The following LRP1B variants were observed in gnomAD, a reference collection of about 807,000 sequenced individuals.
The protein encoded by LRP1B is LDL receptor related protein 1B.
Under a neutral mutation model 556.6 loss-of-function variants are expected in LRP1B, and 217 were observed. That is an observed-to-expected ratio of 0.39 (90% CI 0.35 to 0.44). The LOEUF is 0.44. Among genes scored for constraint, LRP1B ranks in the 20% least tolerant of loss-of-function variants. LRP1B has a pLI of 1.00. For missense variants in LRP1B, 5,053 were observed against 5,620.8 expected (o/e 0.90, Z 3.23); for synonymous variants, 2,047 against 1,865.8 (o/e 1.10, Z -2.50).
At chr2:141,896,442 A>G (rs1017367951) in intron 1 of LRP1B, among the ~76,000 whole-genome samples, 10 of 152,204 alleles carry the variant, frequency 6.6e-5, no homozygotes, top group African/African-American at 2.4e-5. Context: ...CCCTTCTGAC[A>G]TAAATATGGT....
intron 1 of LRP1B, among the ~76,000 whole-genome samples, chr2:141,917,427 A>G (rs1394460960): frequency 6.6e-6 from 1 of 152,206 alleles, no homozygotes; most frequent in African/African-American, 2.4e-5. Context: ...AGCTACTGTA[A>G]TGAGCATTTT....
At chr2:141,119,929 G>A (rs1316826786) in intron 7 of LRP1B, among the ~76,000 whole-genome samples, 1 of 151,814 alleles carries the variant, frequency 6.6e-6, no homozygotes, top group African/African-American at 2.4e-5. Context: ...ATAATCATAT[G>A]TTGTATTCTA....
At chr2:140,490,996 T>A (rs545822201) in intron 57 of LRP1B, among the ~76,000 whole-genome samples, 1 of 152,240 alleles carries the variant, frequency 6.6e-6, no homozygotes, top group Middle Eastern at 3.4e-3. Flanking sequence ...AAAAGAACTA[T>A]CTTAAAATGT....
At chr2:140,808,145 G>C (rs957446997) in intron 32 of LRP1B, among the ~76,000 whole-genome samples, 1 of 150,244 alleles carries the variant, frequency 6.7e-6, no homozygotes, top group Admixed American at 6.6e-5. Context: ...TTGATGTTCA[G>C]AGCTATAGGT....
intron 2 of LRP1B, among the ~76,000 whole-genome samples, chr2:141,524,637 C>T (rs1401705549): frequency 6.6e-6 from 1 of 151,980 alleles, no homozygotes; most frequent in African/African-American, 2.4e-5. Flanking sequence ...ATTCTTCCTC[C>T]AATGTGGCCC....
At position 141,578,145 on chromosome 2, in the gene LRP1B, G is replaced by A. The variant is rs1342212858; in HGVS notation, c.206-97612C>T. Among the ~76,000 whole-genome samples the A allele has an allele frequency of 2.6e-5, 4 of 151,986 alleles. No homozygotes were observed. The South Asian group carries it at 6.2e-4, about 24-fold the overall frequency. On this transcript the variant is annotated intron_variant, in intron 2 of 90. Transcript: ENST00000389484. ...GCGCAGTGCCTCATGCCTGTAATCC[G>A]AGCACTTTGGGAGGCTGAGGCAGAT...
chr2:140,345,581 A>T (rs1022862542), intron 77 of LRP1B, among the ~76,000 whole-genome samples: 10 of 149,860 alleles, frequency 6.7e-5, no homozygotes, highest in Non-Finnish European at 1.0e-4. Flanking sequence ...AGTTTTATGT[A>T]TGTCCTCTAT....
chr2:141,539,234 T>A (rs1448382449), intron 2 of LRP1B, among the ~76,000 whole-genome samples: 2 of 152,116 alleles, frequency 1.3e-5, no homozygotes, highest in African/African-American at 4.8e-5. Flanking sequence ...ATGTATATAG[T>A]ACTACAGTGG....
intron 2 of LRP1B, among the ~76,000 whole-genome samples, chr2:141,632,200 A>T (rs1688939955): frequency 6.6e-6 from 1 of 152,180 alleles, no homozygotes; most frequent in Non-Finnish European, 1.5e-5. Flanking sequence ...CTGGGGTAAC[A>T]GGCATGATTG....
intron 12 of LRP1B, among the ~76,000 whole-genome samples, chr2:141,018,889 C>T (rs1191832511): frequency 3.3e-5 from 5 of 152,004 alleles, no homozygotes; most frequent in Admixed American, 6.6e-5. Flanking sequence ...ACTCTTAACA[C>T]AAACAATTCT....
intron 27 of LRP1B, 142 bp downstream of exon 27, chr2:140,867,448 G>C: frequency 1.2e-6 from 1 of 811,784 alleles, no homozygotes; most frequent in Non-Finnish European, 1.7e-6. Context: ...TTAAAATAAA[G>C]GTTGAAACCA....
At chr2:140,238,354 T>C in intron 88 of LRP1B, 58 bp from the exon 89 acceptor site, 2 of 806,332 alleles carry the variant, frequency 2.5e-6, no homozygotes, top group Admixed American at 2.9e-5. Flanking sequence ...AATCAAGGCA[T>C]ATGAAATTAT....
chr2:141,153,331 TATA>T (rs1266654438), intron 7 of LRP1B, among the ~76,000 whole-genome samples: 12 of 108,192 alleles, frequency 1.1e-4, no homozygotes, highest in South Asian at 2.8e-4. Flanking sequence ...TATATATTTA[TATA>T]ATAATATATT....
chr2:141,210,623 T>G (rs2105250627), intron 6 of LRP1B, among the ~76,000 whole-genome samples: 1 of 152,286 alleles, frequency 6.6e-6, no homozygotes, highest in South Asian at 2.1e-4. Context: ...GGCACAGTGA[T>G]GGTATCATCA....
intron 3 of LRP1B, among the ~76,000 whole-genome samples, chr2:141,286,066 CAAAAAAA>C (rs200182512): frequency 1.1e-5 from 1 of 94,630 alleles, no homozygotes; most frequent in Non-Finnish European, 1.9e-5. Flanking sequence ...GACTCCGTCT[CAAAAAAA>C]AAAAAAAAAA....
chr2:141,077,013 G>A (rs546524522), intron 7 of LRP1B, among the ~76,000 whole-genome samples: 8 of 152,272 alleles, frequency 5.3e-5, no homozygotes, highest in African/African-American at 1.9e-4. Flanking sequence ...TTGGGAGGCC[G>A]AGGTGGGCAG....
intron 1 of LRP1B, among the ~76,000 whole-genome samples, chr2:141,955,299 TGTCA>T (rs1298187379): frequency 3.3e-5 from 5 of 152,152 alleles, no homozygotes; most frequent in African/African-American, 1.2e-4. Flanking sequence ...GTTCATGTAT[TGTCA>T]ACTACCACAT....
chr2:140,247,134 A>G lies in LRP1B; in HGVS notation c.13276T>C (p.Cys4426Arg), dbSNP rs1429639665. 1 of 1,609,178 alleles carries G rather than the reference A, an allele frequency of 6.2e-7. No homozygotes were observed. Among genetic ancestry groups the G allele is most frequent in the Non-Finnish European group, 8.5e-7 (1 of 1,176,680 alleles). ...CTGCTCTTTGGGGCTGGCCTTTCACACTGTGTGCCTGACCAGTTGGTGGAG... is the reference window on the plus strand; with the variant it reads ...CTGCTCTTTGGGGCTGGCCTTTCACGCTGTGTGCCTGACCAGTTGGTGGAG... ...LCSTNWSGTQ[C>R]ERPAPKSSKS... The change falls in exon 87 of 91, where the codon TGT (cysteine) becomes CGT (arginine). Residue 4426 changes from cysteine (C) to arginine (R), a missense_variant. Physicochemically the swap from Cys to Arg is radical, Grantham distance 180. This residue lies in a region of LRP1B where 551 missense variants were observed against 592.0 expected (regional missense o/e 0.93). Transcript: ENST00000389484.
intron 84 of LRP1B, among the ~76,000 whole-genome samples, chr2:140,291,345 T>A (rs1683381423): frequency 7.0e-6 from 1 of 142,564 alleles, no homozygotes; most frequent in Non-Finnish European, 1.5e-5. Flanking sequence ...AGTTCTAGGG[T>A]ATATGTGCAC....
Sources: gnomAD v4.1 joint callset for allele counts (sites outside exome capture counted in the v4.1 genomes callset) on GRCh38, gnomAD v4.1.1 for gene constraint, gnomAD v4.1.1 regional missense constraint, MANE v1.5 for transcripts, NCBI Gene and HGNC (gene_info 2026-07-23, HGNC 2026-07-21) for gene names.